Variants in ARFGAP2 observed in about 807,000 individuals in gnomAD.
The protein encoded by ARFGAP2 is ARF GTPase activating protein 2, also known as ADP-ribosylation factor GTPase-activating protein 2.
In ARFGAP2, 45 loss-of-function variants were observed where a neutral mutation model predicts 71.9. The ratio of observed to expected loss-of-function variants is 0.63; its 90% CI spans 0.49 to 0.80. ARFGAP2 has a LOEUF of 0.80. ARFGAP2 is among the 30% of genes least tolerant of loss of function. The probability of loss-of-function intolerance (pLI) is 0.00; values close to 1 mark genes in which losing one functional copy is unlikely to be tolerated. For synonymous variants in ARFGAP2, 248 were observed against 249.2 expected (o/e 1.00, Z 0.05); for missense variants, 633 against 673.9 (o/e 0.94, Z 0.67).
rs531583378 is a variant in ARFGAP2, at chr11:47,176,866, C to G, written c.-13G>C. Reference sequence around the variant, plus strand: ...GCTCCGCCGCCATTTTCTCTCCTTCCCAGACACAACCGCGGCTGACGGGTC... The same window carrying G: ...GCTCCGCCGCCATTTTCTCTCCTTCGCAGACACAACCGCGGCTGACGGGTC... On this transcript the variant is annotated 5_prime_UTR_variant, in exon 1 of 16. Coordinates refer to ENST00000524782, the MANE Select transcript of ARFGAP2 (RefSeq NM_032389.6). 6.2e-7 allele frequency: 1 copy of G among 1,611,798 alleles called. No individual in the cohort carries two copies. Among genetic ancestry groups the G allele is most frequent in the South Asian group, 1.1e-5 (1 of 91,000 alleles).
chr11:47,172,482 G>T, intron 7 of ARFGAP2, 149 bp from the exon 8 acceptor site: 1 of 1,119,710 alleles, frequency 8.9e-7, no homozygotes, highest in South Asian at 1.4e-5. Context: ...CCAACCAGCG[G>T]TGTCAAAGCC....
intron 6 of ARFGAP2, 113 bp downstream of exon 6, chr11:47,173,646 C>A: frequency 6.9e-7 from 1 of 1,440,816 alleles, no homozygotes; most frequent in South Asian, 1.4e-5. Flanking sequence ...TCCCGGCCCA[C>A]CCAAAGATAC....
At chr11:47,175,503 CCT>C (rs1952771550) in intron 3 of ARFGAP2, 190 bp from the exon 4 acceptor site, 1 of 864,572 alleles carries the variant, frequency 1.2e-6, no homozygotes, top group South Asian at 1.5e-5. Context: ...AGCGGGCCAT[CCT>C]CTGATATGAC....
chr11:47,165,657 T>TG (rs1952331098), intron 15 of ARFGAP2, among the ~76,000 whole-genome samples, 155 bp from the exon 16 acceptor site: 1 of 151,828 alleles, frequency 6.6e-6, no homozygotes, highest in Non-Finnish European at 1.5e-5. Context: ...CGGTGAGAGC[T>TG]GGGGCAGCGG....
intron 12 of ARFGAP2, among the ~76,000 whole-genome samples, chr11:47,167,200 C>T (rs1221423104): frequency 2.0e-5 from 3 of 152,250 alleles, no homozygotes; most frequent in Non-Finnish European, 4.4e-5. Flanking sequence ...CTACCCTAAT[C>T]CTAGTGACAA....
chr11:47,170,583 A>G (rs554700060), intron 10 of ARFGAP2, among the ~76,000 whole-genome samples: 2 of 150,648 alleles, frequency 1.3e-5, no homozygotes, highest in Admixed American at 6.6e-5. Flanking sequence ...GGAGGTAGAG[A>G]TTGCAGTGAG....
chr11:47,166,476 T>G (rs749387430), intron 14 of ARFGAP2, 30 bp downstream of exon 14: 1 of 1,612,698 alleles, frequency 6.2e-7, no homozygotes, highest in East Asian at 2.2e-5. Context: ...CAGGCCTCAC[T>G]TGGTGCCTGC....
At chr11:47,173,235 A>C (rs1301564796) in intron 7 of ARFGAP2, 191 bp downstream of exon 7, 1 of 717,740 alleles carries the variant, frequency 1.4e-6, no homozygotes, top group African/African-American at 1.8e-5. Context: ...AGATTCATCA[A>C]TTCAAAGGGC....
intron 10 of ARFGAP2, among the ~76,000 whole-genome samples, chr11:47,170,826 G>A (rs1173093257): frequency 6.6e-6 from 1 of 151,810 alleles, no homozygotes; most frequent in Non-Finnish European, 1.5e-5. Context: ...CCCGGCTGTG[G>A]TCCCAGCTAT....
rs759145124 is a variant in ARFGAP2 at position 47,166,308 on chromosome 11, T to C, written c.1505A>G (p.Lys502Arg). 3.1e-6 allele frequency: 5 copies of C among 1,614,258 alleles called. No homozygotes were observed. The highest frequency in any genetic ancestry group is 3.4e-6 in the Non-Finnish European group (4 of 1,180,044). ...FKQGVKSVAG[K>R]MAVLANGVMN... ...CACACCATTGGCCAGCACAGCCATT[T>C]TCCCAGCCACAGACTTGACACCCTG... Residue 502 changes from lysine to arginine, a missense_variant, in exon 15 of 16, where the codon AAA (lysine) becomes AGA (arginine). Coordinates refer to ENST00000524782, the MANE Select transcript of ARFGAP2 (RefSeq NM_032389.6).
Position 47,175,836 on chromosome 11 carries a change from TAGA to T in ARFGAP2, c.264+12_264+14del. On this transcript the variant is annotated intron_variant, in intron 3 of 15. Transcript: ENST00000524782. ...GCAGAAGAATGGAAGGTGAGGGAAG[TAGA>T]AGGAGCTTTACCGCATTGGCATTCC... 3 of 1,613,658 alleles carry T rather than the reference TAGA, an allele frequency of 1.9e-6. No homozygotes were observed. The South Asian group carries it at 3.3e-5, about 18-fold the overall frequency.
Position 47,166,598 on chromosome 11 carries a change from T to C in ARFGAP2, c.1334A>G (p.Tyr445Cys). Residue 445 changes from tyrosine to cysteine, a missense_variant and splice_region_variant, in exon 14 of 16, where the codon TAT (tyrosine) becomes TGT (cysteine). Physicochemically the swap from Tyr to Cys is radical, Grantham distance 194. Transcript: ENST00000524782. ...MFFGREVDAE[Y>C]EARSRLQQLS... The stretch of plus-strand genomic sequence containing the variant: ...CTGCTGCAGCCGAGACCTGGCCTCA[T>C]ACTGTGGTGAGGAAAAGGCCAGGCC... 3 of 1,611,936 alleles carry C rather than the reference T, an allele frequency of 1.9e-6. No homozygotes were observed. The highest frequency in any genetic ancestry group is 3.3e-4 in the Middle Eastern group (2 of 6,062).
intron 10 of ARFGAP2, 127 bp from the exon 11 acceptor site, chr11:47,168,378 A>C (rs1174997564): frequency 5.3e-6 from 7 of 1,331,350 alleles, no homozygotes; most frequent in Non-Finnish European, 7.2e-6. Flanking sequence ...GTCCTTACCC[A>C]AGCACAGGGC....
At chr11:47,173,401 C>G (rs998081711) in intron 7 of ARFGAP2, 25 bp downstream of exon 7, 2 of 1,551,862 alleles carry the variant, frequency 1.3e-6, no homozygotes, top group African/African-American at 2.7e-5. Flanking sequence ...CCAGACACCC[C>G]ACGCCTGCCC....
Position 47,164,307 on chromosome 11 carries a change from C to G in ARFGAP2, c.*1175G>C. ...AGGATCCAGAGGACACTGCTTCACT[C>G]AGACCAACAGGGAGCCAGGCCCTGC... On this transcript the variant is annotated 3_prime_UTR_variant, in exon 16 of 16. Transcript: ENST00000524782. 1 of 1,527,414 alleles carries G rather than the reference C, an allele frequency of 6.5e-7. No homozygotes were observed. Among genetic ancestry groups the G allele is most frequent in the African/African-American group, 1.4e-5 (1 of 71,960 alleles). The allele number at this position is 1,527,414 out of a possible 1,614,324, so 94.6% of individuals were successfully genotyped here.
rs1419982732 is a variant in ARFGAP2 at position 47,164,559 on chromosome 11, C to A, written c.*923G>T. 1.4e-5 allele frequency: 3 copies of A among 216,632 alleles called. No homozygotes were observed. The highest frequency in any genetic ancestry group is 2.8e-5 in the Non-Finnish European group (3 of 106,578). 13.4% of individuals were successfully genotyped at this position (216,632 alleles called of 1,614,324 possible). A position where few individuals can be genotyped will look rare whatever the true frequency, so the allele number is the denominator to read the frequency against. On this transcript the variant is annotated 3_prime_UTR_variant, in exon 16 of 16. Transcript: ENST00000524782. The stretch of plus-strand genomic sequence containing the variant: ...CAGAGGGTGAGGCCCACAGCTCTCA[C>A]TGGCGGGTGCTGTCCAGGCCAAGCC...
chr11:47,172,439 A>G, intron 7 of ARFGAP2, 106 bp from the exon 8 acceptor site: 1 of 1,325,566 alleles, frequency 7.5e-7, no homozygotes, highest in Non-Finnish European at 1.1e-6. Context: ...GAACAGCTTC[A>G]GGCAAGGGAA....
intron 15 of ARFGAP2, 58 bp from the exon 16 acceptor site, chr11:47,165,560 C>T (rs1565121768): frequency 1.3e-6 from 2 of 1,508,206 alleles, no homozygotes; most frequent in Non-Finnish European, 1.8e-6. Flanking sequence ...GCTGCAGCAG[C>T]TTCCCAGCAA....
Position 47,166,361 on chromosome 11 carries a change from C to T in ARFGAP2, c.1452G>A (p.Leu484=), listed in dbSNP as rs1952376415. The T allele has an allele frequency of 6.2e-7, 1 of 1,614,104 alleles. No individual in the cohort carries two copies. The highest frequency in any genetic ancestry group is 1.3e-5 in the African/African-American group (1 of 74,946). ...TAAACTGGGCAATGTCCGCTGTAGG[C>T]AGCACGTTCCCCAGAGATACACTTC... ...GAGSVSLGNV[L]PTADIAQFKQ... Residue 484 remains leucine (L), a synonymous_variant, in exon 15 of 16, where the codon CTG becomes CTA. Coordinates refer to ENST00000524782, the MANE Select transcript of ARFGAP2 (RefSeq NM_032389.6).
Sources: gnomAD v4.1 joint callset for allele counts (sites outside exome capture counted in the v4.1 genomes callset) on GRCh38, gnomAD v4.1.1 for gene constraint, MANE v1.5 for transcripts, NCBI Gene and HGNC (gene_info 2026-07-23, HGNC 2026-07-21) for gene names.